GTF2IRD1: variants seen among roughly 807,000 people sequenced by gnomAD.
The protein encoded by GTF2IRD1 is general transcription factor II-I repeat domain-containing protein 1.
In GTF2IRD1, 26 loss-of-function variants were observed where a neutral mutation model predicts 113.2. The observed-to-expected ratio is 0.23, with a 90% CI of 0.17 to 0.32. The LOEUF is 0.32. GTF2IRD1 is among the 10% of genes least tolerant of loss of function. The pLI is 1.00. For synonymous variants in GTF2IRD1, 484 were observed against 529.1 expected, an observed-to-expected ratio of 0.91 and a Z score of 1.17; for missense variants, 864 against 1,280.8, an observed-to-expected ratio of 0.67 and a Z score of 4.97.
intron 1 of GTF2IRD1, among the ~76,000 whole-genome samples, chr7:74,466,571 G>T (rs1288202116): frequency 1.3e-5 from 2 of 152,086 alleles, no homozygotes; most frequent in African/African-American, 2.4e-5. Flanking sequence ...CTCCCCTAGA[G>T]CGTGCGTAAT....
intron 2 of GTF2IRD1, among the ~76,000 whole-genome samples, chr7:74,510,775 G>A (rs957797759): frequency 2.6e-5 from 4 of 152,038 alleles, no homozygotes; most frequent in African/African-American, 7.2e-5. Context: ...TTGGCCAGGC[G>A]CAATGGCTCA....
Position 74,578,511 on chromosome 7 carries a change from A to G in GTF2IRD1, c.2321-11340A>G, listed in dbSNP as rs1653713406. Among the ~76,000 whole-genome samples, 4 of 152,184 alleles carry G rather than the reference A, an allele frequency of 2.6e-5. No homozygotes were observed. In the South Asian group the frequency reaches 8.3e-4, roughly 32 times the overall value. On this transcript the variant is annotated intron_variant, in intron 22 of 26. Transcript: ENST00000424337. ...CTTTTATGACAAAGGCGTGTTATTG[A>G]ATAGAGTCTGGGACTTGCTGTTTTC...
chr7:74,488,296 G>A (rs1412240766), intron 1 of GTF2IRD1, among the ~76,000 whole-genome samples: 1 of 151,984 alleles, frequency 6.6e-6, no homozygotes, highest in Non-Finnish European at 1.5e-5. Context: ...ATAAAGAATT[G>A]TAGCACACTC....
Position 74,508,126 on chromosome 7 carries a change from G to A in GTF2IRD1, c.46G>A (p.Gly16Arg), listed in dbSNP as rs782432894. ...KRCDVPTNGC[G>R]PDRWNSAFTR... ...CTGTGACGTCCCCACCAACGGCTGC[G>A]GACCCGACCGCTGGAACTCCGCGTT... The change falls in exon 2 of 27, where the codon GGA becomes AGA. Residue 16 changes from glycine to arginine, a missense_variant. Gly to Arg is a moderately radical substitution (Grantham distance 125). This residue lies in a region of GTF2IRD1 where 182 missense variants were observed against 266.6 expected (regional missense o/e 0.68). Transcript: ENST00000424337. The A allele has an allele frequency of 8.1e-6, 13 of 1,611,270 alleles. No individual in the cohort carries two copies. The highest frequency in any genetic ancestry group is 4.0e-5 in the African/African-American group (3 of 74,910).
At chr7:74,533,394 C>G (rs1296766954) in intron 9 of GTF2IRD1, among the ~76,000 whole-genome samples, 5 of 152,136 alleles carry the variant, frequency 3.3e-5, no homozygotes, top group African/African-American at 1.2e-4. Flanking sequence ...CTGGGCTTCC[C>G]AAAGTACTGG....
At chr7:74,472,191 T>C (rs782791041) in intron 1 of GTF2IRD1, among the ~76,000 whole-genome samples, 2 of 152,222 alleles carry the variant, frequency 1.3e-5, no homozygotes, top group Non-Finnish European at 2.9e-5. Flanking sequence ...ATGGTGAGTT[T>C]TGGTCTGTCA....
At chr7:74,569,260 G>A (rs782111624) in intron 22 of GTF2IRD1, among the ~76,000 whole-genome samples, 2 of 152,206 alleles carry the variant, frequency 1.3e-5, no homozygotes, top group Non-Finnish European at 2.9e-5. Flanking sequence ...ACGTCCACGC[G>A]TGCCAGACCC....
chr7:74,562,317 G>A (rs1306397735), intron 22 of GTF2IRD1, among the ~76,000 whole-genome samples: 5 of 152,092 alleles, frequency 3.3e-5, no homozygotes, highest in Non-Finnish European at 5.9e-5. Flanking sequence ...GCAGAGAGGC[G>A]GGTGGCTGGG....
chr7:74,578,909 C>T (rs1554365316), intron 22 of GTF2IRD1, among the ~76,000 whole-genome samples: 2 of 151,610 alleles, frequency 1.3e-5, no homozygotes, highest in Admixed American at 6.6e-5. Flanking sequence ...ATCGCTTCAG[C>T]CCAGGAGGCA....
intron 26 of GTF2IRD1, chr7:74,601,391 A>G (rs1449722176): frequency 6.7e-7 from 1 of 1,501,742 alleles, no homozygotes; most frequent in Non-Finnish European, 8.9e-7. Context: ...ACAGGCACTC[A>G]GGCAGGAATT....
intron 1 of GTF2IRD1, among the ~76,000 whole-genome samples, chr7:74,490,554 G>A (rs1234941681): frequency 4.2e-5 from 3 of 71,396 alleles, no homozygotes; most frequent in East Asian, 8.4e-4. Flanking sequence ...CCCCCCCCCC[G>A]CCCGCCTTCC....
intron 1 of GTF2IRD1, among the ~76,000 whole-genome samples, chr7:74,490,688 G>A (rs1172373732): frequency 2.0e-5 from 3 of 152,012 alleles, no homozygotes; most frequent in African/African-American, 2.4e-5. Context: ...TGCCTTTTAC[G>A]TGGTTGGGTG....
intron 2 of GTF2IRD1, among the ~76,000 whole-genome samples, chr7:74,510,915 G>GATGC (rs1554342775): frequency 1.3e-5 from 2 of 152,084 alleles, no homozygotes; most frequent in African/African-American, 4.8e-5. Flanking sequence ...CAGGCATGGT[G>GATGC]ATGCATGCCT....
At chr7:74,472,868 C>T (rs1263284335) in intron 1 of GTF2IRD1, among the ~76,000 whole-genome samples, 2 of 152,234 alleles carry the variant, frequency 1.3e-5, no homozygotes, top group South Asian at 2.1e-4. Flanking sequence ...GCTCCTGGTT[C>T]GGGAGGCTGG....
At chr7:74,538,091 C>T (rs781829306) in intron 11 of GTF2IRD1, 45 bp from the exon 12 acceptor site, 4 of 1,599,174 alleles carry the variant, frequency 2.5e-6, no homozygotes, top group Non-Finnish European at 2.6e-6. Context: ...GGCAGGGTGG[C>T]CCTGGACTTG....
intron 25 of GTF2IRD1, chr7:74,600,818 G>C: frequency 1.7e-6 from 1 of 596,766 alleles, no homozygotes; most frequent in African/African-American, 1.9e-5. Context: ...AGGCAGGCCA[G>C]CAAGAGCAGG....
chr7:74,580,584 C>A (rs1360856701), intron 22 of GTF2IRD1, among the ~76,000 whole-genome samples: 2 of 151,646 alleles, frequency 1.3e-5, no homozygotes, highest in African/African-American at 4.8e-5. Flanking sequence ...TTTTTTTTCC[C>A]CCTTGGCAAA....
intron 22 of GTF2IRD1, among the ~76,000 whole-genome samples, chr7:74,567,701 G>C (rs1554361091): frequency 6.6e-6 from 1 of 152,086 alleles, no homozygotes; most frequent in African/African-American, 2.4e-5. Flanking sequence ...ACATCGGGGG[G>C]GTCAGGTCTA....
chr7:74,512,817 G>C lies in GTF2IRD1; in HGVS notation c.124-13G>C. 1 of 1,613,188 alleles carries C rather than the reference G, an allele frequency of 6.2e-7. No homozygotes were observed. The highest frequency in any genetic ancestry group is 2.2e-5 in the East Asian group (1 of 44,874). On this transcript the variant is annotated splice_polypyrimidine_tract_variant and intron_variant, in intron 2 of 26. Transcript: ENST00000424337. This position sits in a 1 kb window ranked among gnomAD's most constrained non-coding sequence, Gnocchi z 4.4. ...GGGAGCCCTTCCGCTCACACAGCCT[G>C]CCCTTCCCACAGTGCTCAGCGCTGT...
Sources: gnomAD v4.1 joint callset for allele counts (sites outside exome capture counted in the v4.1 genomes callset) on GRCh38, gnomAD v4.1.1 for gene constraint, gnomAD v4.1.1 regional missense constraint, Gnocchi (gnomAD v3.1) non-coding constraint, MANE v1.5 for transcripts, NCBI Gene and HGNC (gene_info 2026-07-23, HGNC 2026-07-21) for gene names.